Variants in CADPS observed in about 807,000 individuals in gnomAD.
CADPS encodes the protein calcium dependent secretion activator, also known as calcium-dependent secretion activator 1.
Under a neutral mutation model 167.3 loss-of-function variants are expected in CADPS, and 57 were observed. That is an observed-to-expected ratio of 0.34 (90% CI 0.28 to 0.42). CADPS has a LOEUF of 0.42. Among genes scored for constraint, CADPS ranks in the 20% least tolerant of loss-of-function variants. The probability of loss-of-function intolerance (pLI) is 1.00; values close to 1 mark genes in which losing one functional copy is unlikely to be tolerated. For synonymous variants in CADPS, 676 were observed against 635.3 expected (o/e 1.06, Z -0.96); for missense variants, 1,414 against 1,738.1 (o/e 0.81, Z 3.32).
intron 21 of CADPS, among the ~76,000 whole-genome samples, chr3:62,490,033 G>A (rs1257078891): frequency 6.6e-6 from 1 of 152,180 alleles, no homozygotes; most frequent in Non-Finnish European, 1.5e-5. Flanking sequence ...AACTCCTCTT[G>A]TGGCTCAGAT....
intron 13 of CADPS, among the ~76,000 whole-genome samples, chr3:62,522,940 A>G (rs2071073756): frequency 6.6e-6 from 1 of 152,208 alleles, no homozygotes; most frequent in Non-Finnish European, 1.5e-5. Flanking sequence ...CTCTCCAGCC[A>G]CAGCAGACTA....
chr3:62,540,810 TA>T (rs1246494846), intron 11 of CADPS, among the ~76,000 whole-genome samples: 1 of 151,978 alleles, frequency 6.6e-6, no homozygotes, highest in Non-Finnish European at 1.5e-5. Context: ...GTGTCAAACA[TA>T]AAAAAATAAA....
chr3:62,769,039 C>A (rs2087751540), intron 1 of CADPS, among the ~76,000 whole-genome samples: 1 of 152,118 alleles, frequency 6.6e-6, no homozygotes, highest in Admixed American at 6.6e-5. Flanking sequence ...TTACTCAACT[C>A]ACTAGCCATG....
chr3:62,431,029 T>C (rs962273901), intron 28 of CADPS, among the ~76,000 whole-genome samples: 1 of 152,066 alleles, frequency 6.6e-6, no homozygotes, highest in Non-Finnish European at 1.5e-5. Context: ...CTGGCTGACA[T>C]GCTCTTTAGC....
intron 6 of CADPS, among the ~76,000 whole-genome samples, chr3:62,642,936 A>G (rs1281381059): frequency 6.6e-6 from 1 of 151,708 alleles, no homozygotes; most frequent in Non-Finnish European, 1.5e-5. Context: ...ACAAAACAAA[A>G]CAAAACAAAA....
At chr3:62,609,442 T>C (rs891666355) in intron 6 of CADPS, among the ~76,000 whole-genome samples, 3 of 152,294 alleles carry the variant, frequency 2.0e-5, no homozygotes, top group Admixed American at 1.3e-4. Flanking sequence ...CTCAGGACTT[T>C]GGAAAATTAA....
At chr3:62,768,650 G>T (rs1003359668) in intron 1 of CADPS, among the ~76,000 whole-genome samples, 5 of 152,036 alleles carry the variant, frequency 3.3e-5, no homozygotes, top group African/African-American at 1.2e-4. Flanking sequence ...ACTTCTTAGG[G>T]CTGGGCACTA....
chr3:62,793,766 CGTGT>C (rs976807795), intron 1 of CADPS, among the ~76,000 whole-genome samples: 2 of 152,118 alleles, frequency 1.3e-5, no homozygotes, highest in African/African-American at 4.8e-5. Flanking sequence ...TGCGCACGTG[CGTGT>C]GTGTACGTGC....
rs1020806762 is a variant in CADPS, at chr3:62,455,322, C to A, written c.3637-9525G>T. Among the ~76,000 whole-genome samples, 1 of 152,108 alleles carries A rather than the reference C, an allele frequency of 6.6e-6. No individual in the cohort carries two copies. Among genetic ancestry groups the A allele is most frequent in the Non-Finnish European group, 1.5e-5 (1 of 68,032 alleles). On this transcript the variant is annotated intron_variant, in intron 26 of 29. Coordinates refer to ENST00000383710, the MANE Select transcript of CADPS (RefSeq NM_003716.4). The surrounding 1 kb of genome is among the most constrained non-coding windows in gnomAD (Gnocchi z 4.4). The stretch of plus-strand genomic sequence containing the variant: ...ACAATGGTTGCATGCTTACTCTTTG[C>A]CTAGCACAAGGTTAAGCAATTTATA...
chr3:62,498,078 C>A, intron 18 of CADPS: 2 of 455,516 alleles, frequency 4.4e-6, no homozygotes, highest in South Asian at 3.1e-5. Flanking sequence ...CATTAGAAGA[C>A]ATGGTACTGG....
intron 4 of CADPS, among the ~76,000 whole-genome samples, chr3:62,658,080 G>C (rs555093720): frequency 6.6e-6 from 1 of 152,238 alleles, no homozygotes; most frequent in East Asian, 1.9e-4. Flanking sequence ...AGAATTGGGG[G>C]AGTCCTGTCC....
chr3:62,713,085 A>C (rs1353337801), intron 3 of CADPS, among the ~76,000 whole-genome samples: 1 of 152,228 alleles, frequency 6.6e-6, no homozygotes, highest in East Asian at 1.9e-4. Flanking sequence ...TACTGTAATA[A>C]TAATACTGAC....
chr3:62,735,135 ACG>A (rs2078732061), intron 3 of CADPS, among the ~76,000 whole-genome samples: 1 of 152,178 alleles, frequency 6.6e-6, no homozygotes, highest in Non-Finnish European at 1.5e-5. Context: ...TAAGTAAATG[ACG>A]GTATATTCAT....
chr3:62,547,393 T>C (rs893022078), intron 11 of CADPS, among the ~76,000 whole-genome samples: 1 of 152,186 alleles, frequency 6.6e-6, no homozygotes, highest in Non-Finnish European at 1.5e-5. Context: ...CTTGTTCTTT[T>C]AGAACCTGGT....
At chr3:62,852,722 G>C (rs2078879420) in intron 1 of CADPS, among the ~76,000 whole-genome samples, 4 of 152,018 alleles carry the variant, frequency 2.6e-5, no homozygotes, top group Admixed American at 2.6e-4. Context: ...AAAATTCCAG[G>C]AACATTATCA....
intron 3 of CADPS, among the ~76,000 whole-genome samples, chr3:62,722,636 C>G (rs1291957499): frequency 6.6e-6 from 1 of 152,224 alleles, no homozygotes; most frequent in Non-Finnish European, 1.5e-5. Flanking sequence ...TAAACAGCTT[C>G]TTTTCTGGCA....
At chr3:62,687,613 G>A (rs2078292362) in intron 3 of CADPS, among the ~76,000 whole-genome samples, 3 of 151,880 alleles carry the variant, frequency 2.0e-5, no homozygotes, top group Non-Finnish European at 4.4e-5. Flanking sequence ...GTTTTCAGGG[G>A]TGATTATCAT....
intron 7 of CADPS, among the ~76,000 whole-genome samples, 170 bp from the exon 8 acceptor site, chr3:62,585,494 A>G (rs1174047616): frequency 6.6e-6 from 1 of 152,178 alleles, no homozygotes; most frequent in Non-Finnish European, 1.5e-5. Context: ...AATTTTGTAA[A>G]AGTAAAGATT....
intron 28 of CADPS, among the ~76,000 whole-genome samples, chr3:62,405,219 G>C (rs1256631194): frequency 1.3e-5 from 2 of 151,068 alleles, no homozygotes; most frequent in Non-Finnish European, 2.9e-5. Context: ...ATTGGAAGAT[G>C]ACCTTCGAGC....
Sources: allele counts gnomAD v4.1 joint callset (sites outside exome capture counted in the v4.1 genomes callset), GRCh38; gene constraint gnomAD v4.1.1; non-coding constraint Gnocchi (gnomAD v3.1); transcripts MANE v1.5; gene names NCBI Gene and HGNC (gene_info 2026-07-23, HGNC 2026-07-21).